IQGAP2: variants seen among roughly 807,000 people sequenced by gnomAD.
IQGAP2 encodes IQ motif containing GTPase activating protein 2.
IQGAP2 carries 173 observed loss-of-function variants against 201.3 expected under a neutral mutation model. That is an observed-to-expected ratio of 0.86 (90% CI 0.76 to 0.98). The LOEUF (loss-of-function observed/expected upper bound fraction) is 0.98, where lower values mean the gene tolerates loss of function less well. Among genes scored for constraint, IQGAP2 ranks in the 50% least tolerant of loss-of-function variants. The pLI, the probability that IQGAP2 is intolerant of heterozygous loss-of-function variation, is 0.00. For synonymous variants in IQGAP2, 675 were observed against 673.9 expected, an observed-to-expected ratio of 1.00 and a Z score of -0.03; for missense variants, 1,687 against 1,864.8, an observed-to-expected ratio of 0.90 and a Z score of 1.76.
intron 1 of IQGAP2, among the ~76,000 whole-genome samples, chr5:76,417,657 T>G (rs1751488106): frequency 6.6e-6 from 1 of 152,136 alleles, no homozygotes. Context: ...CTTGGCTCAC[T>G]GCAACCTCCG....
chr5:76,561,585 A>G (rs888422006), intron 2 of IQGAP2, among the ~76,000 whole-genome samples: 1 of 152,168 alleles, frequency 6.6e-6, no homozygotes, highest in African/African-American at 2.4e-5. Context: ...TGAATCTTGC[A>G]GTAGGTAATA....
chr5:76,663,350 A>C (rs1743438650), intron 21 of IQGAP2, among the ~76,000 whole-genome samples: 1 of 152,180 alleles, frequency 6.6e-6, no homozygotes, highest in African/African-American at 2.4e-5. Context: ...GTGGAGGTCC[A>C]GCTAAGAGCT....
At chr5:76,525,396 C>A (rs994327803) in intron 2 of IQGAP2, among the ~76,000 whole-genome samples, 3 of 151,994 alleles carry the variant, frequency 2.0e-5, no homozygotes, top group Non-Finnish European at 2.9e-5. Context: ...TGGAGCCATG[C>A]AAATTTATAA....
At chr5:76,595,097 T>C (rs1746921760) in intron 9 of IQGAP2, among the ~76,000 whole-genome samples, 1 of 152,192 alleles carries the variant, frequency 6.6e-6, no homozygotes, top group Non-Finnish European at 1.5e-5. Flanking sequence ...AGTGACAATG[T>C]TGGTGGTAAT....
chr5:76,683,733 A>G, intron 29 of IQGAP2, 43 bp from the exon 30 acceptor site: 1 of 1,571,856 alleles, frequency 6.4e-7, no homozygotes, highest in Non-Finnish European at 8.6e-7. Context: ...CCATCATCAC[A>G]AAGAGTGAAT....
intron 2 of IQGAP2, among the ~76,000 whole-genome samples, chr5:76,471,382 A>C (rs1482932036): frequency 6.6e-6 from 1 of 151,934 alleles, no homozygotes; most frequent in Non-Finnish European, 1.5e-5. Flanking sequence ...AAAAAAAAAA[A>C]AAAACACCCT....
chr5:76,683,309 A>G, intron 29 of IQGAP2, 92 bp downstream of exon 29: 4 of 754,176 alleles, frequency 5.3e-6, no homozygotes, highest in Non-Finnish European at 8.7e-6. Flanking sequence ...CCTAGATAAA[A>G]CAATTATTTT....
intron 2 of IQGAP2, among the ~76,000 whole-genome samples, chr5:76,509,469 T>C (rs1757823281): frequency 1.3e-5 from 2 of 151,734 alleles, no homozygotes; most frequent in African/African-American, 4.8e-5. Context: ...CAGTCTCGGC[T>C]CACTGCAAGC....
chr5:76,564,258 A>G (rs891035281), intron 3 of IQGAP2, among the ~76,000 whole-genome samples: 3 of 152,244 alleles, frequency 2.0e-5, no homozygotes, highest in Admixed American at 6.5e-5. Flanking sequence ...AATAAATATT[A>G]GTCCACATTT....
At chr5:76,641,164 T>A in intron 17 of IQGAP2, 61 bp downstream of exon 17, 1 of 1,319,588 alleles carries the variant, frequency 7.6e-7, no homozygotes. Context: ...AATGTTTTAT[T>A]TGATAATAGA....
At chr5:76,463,778 T>C (rs1280292004) in intron 2 of IQGAP2, among the ~76,000 whole-genome samples, 1 of 152,164 alleles carries the variant, frequency 6.6e-6, no homozygotes, top group Non-Finnish European at 1.5e-5. Context: ...ATTTATTTGA[T>C]GAGTATATTA....
At chr5:76,553,340 T>C (rs1222176293) in intron 2 of IQGAP2, among the ~76,000 whole-genome samples, 1 of 152,244 alleles carries the variant, frequency 6.6e-6, no homozygotes, top group Non-Finnish European at 1.5e-5. Flanking sequence ...CTTGTGATAC[T>C]TGAAAGTTCA....
chr5:76,510,744 G>A, intron 2 of IQGAP2: 1 of 504,510 alleles, frequency 2.0e-6, no homozygotes, highest in South Asian at 1.5e-5. Context: ...GTGTACCTGG[G>A]GGCACCCACA....
intron 12 of IQGAP2, among the ~76,000 whole-genome samples, chr5:76,610,726 A>G (rs1036475277): frequency 6.6e-5 from 10 of 152,036 alleles, no homozygotes; most frequent in African/African-American, 2.4e-4. Context: ...GTTTTTTCCC[A>G]TGGTGTTGTA....
intron 2 of IQGAP2, among the ~76,000 whole-genome samples, chr5:76,507,508 A>T (rs1485279166): frequency 6.6e-6 from 1 of 152,238 alleles, no homozygotes; most frequent in South Asian, 2.1e-4. Context: ...AATACCAAAG[A>T]CATGATCTGT....
intron 2 of IQGAP2, among the ~76,000 whole-genome samples, chr5:76,548,843 A>T (rs1187361961): frequency 1.3e-5 from 2 of 152,160 alleles, no homozygotes; most frequent in Non-Finnish European, 2.9e-5. Flanking sequence ...ACATATGTAA[A>T]TATTTACATA....
intron 17 of IQGAP2, among the ~76,000 whole-genome samples, chr5:76,645,156 A>G (rs10061060): frequency 0.62 from 93,968 of 151,868 alleles, 29,225 homozygotes; most frequent in South Asian, 0.78. Context: ...AGCTTCATCC[A>G]TGTCCCTGCA....
intron 1 of IQGAP2, among the ~76,000 whole-genome samples, chr5:76,412,865 T>C (rs1751198279): frequency 6.6e-6 from 1 of 152,230 alleles, no homozygotes. Flanking sequence ...TCTCTGTGCC[T>C]CAGTTTCCTC....
chr5:76,600,427 C>T (rs942339100), intron 10 of IQGAP2, among the ~76,000 whole-genome samples: 1 of 152,158 alleles, frequency 6.6e-6, no homozygotes, highest in Non-Finnish European at 1.5e-5. Flanking sequence ...AACTGGAAAT[C>T]GTTAGCTGTG....
Sources: allele counts gnomAD v4.1 joint callset (sites outside exome capture counted in the v4.1 genomes callset), GRCh38; gene constraint gnomAD v4.1.1; transcripts MANE v1.5; gene names NCBI Gene and HGNC (gene_info 2026-07-23, HGNC 2026-07-21).